The following WASF2 variants were observed in gnomAD, a reference collection of about 807,000 sequenced individuals.
WASF2 encodes the protein WASP family member 2.
In WASF2, 14 loss-of-function variants were observed where a neutral mutation model predicts 45.0. That is an observed-to-expected ratio of 0.31 (90% CI 0.21 to 0.49). The LOEUF is 0.49. Ranked by LOEUF, WASF2 falls within the 20% of genes least tolerant of loss-of-function variation. The probability of loss-of-function intolerance (pLI) is 0.99; values close to 1 mark genes in which losing one functional copy is unlikely to be tolerated. For missense variants in WASF2, 439 were observed against 636.1 expected (o/e 0.69, Z 3.33); for synonymous variants, 200 against 236.3 (o/e 0.85, Z 1.41).
chr1:27,480,592 A>G (rs2017832991), intron 1 of WASF2, among the ~76,000 whole-genome samples: 1 of 152,162 alleles, frequency 6.6e-6, no homozygotes, highest in Non-Finnish European at 1.5e-5. Flanking sequence ...ACAAAGGCAT[A>G]AGCCAGGTAT....
Position 27,477,652 on chromosome 1 carries a change from C to A in WASF2, c.-44+12334G>T, listed in dbSNP as rs1166750257. Among the ~76,000 whole-genome samples the A allele has an allele frequency of 2.3e-4, 24 of 105,020 alleles. 3 individuals carry two copies. The East Asian group carries it at 2.4e-3, about 10-fold the overall frequency. 68.9% of individuals were successfully genotyped at this position (105,020 alleles called of 152,430 possible). A position where few individuals can be genotyped will look rare whatever the true frequency, so the allele number is the denominator to read the frequency against. ...CGGTGGCTCACGCCTGTAATCCCAGCACTTTGGGAGGCCGAGGCGGGCGGA... is the reference window on the plus strand; with the variant it reads ...CGGTGGCTCACGCCTGTAATCCCAGAACTTTGGGAGGCCGAGGCGGGCGGA... On this transcript the variant is annotated intron_variant, in intron 1 of 8. Coordinates refer to ENST00000618852, the MANE Select transcript of WASF2 (RefSeq NM_006990.5).
intron 8 of WASF2, among the ~76,000 whole-genome samples, chr1:27,409,103 C>T (rs182692689): frequency 5.9e-5 from 9 of 152,118 alleles, no homozygotes; most frequent in Non-Finnish European, 1.0e-4. Flanking sequence ...CATATATTTC[C>T]AAGGACTTCA....
intron 2 of WASF2, among the ~76,000 whole-genome samples, chr1:27,427,870 T>C (rs892541058): frequency 6.6e-6 from 1 of 152,116 alleles, no homozygotes; most frequent in African/African-American, 2.4e-5. Context: ...GAGGTTCTTA[T>C]GGGAGCTGGA....
At chr1:27,486,143 C>T (rs2017920360) in intron 1 of WASF2, among the ~76,000 whole-genome samples, 1 of 139,150 alleles carries the variant, frequency 7.2e-6, no homozygotes, top group African/African-American at 3.3e-5. Flanking sequence ...AGGCTAATGA[C>T]AGTACAGTAT....
chr1:27,446,755 TGGGTGACA>T (rs909822979), intron 1 of WASF2, among the ~76,000 whole-genome samples: 1 of 143,120 alleles, frequency 7.0e-6, no homozygotes, highest in African/African-American at 2.6e-5. Flanking sequence ...CACTCCAGCC[TGGGTGACA>T]GGGTGAGAGC....
intron 1 of WASF2, among the ~76,000 whole-genome samples, chr1:27,476,448 G>A (rs11807615): frequency 6.6e-6 from 1 of 152,168 alleles, no homozygotes; most frequent in African/African-American, 2.4e-5. Flanking sequence ...CCATTCATGA[G>A]GGACCTGCCC....
intron 1 of WASF2, among the ~76,000 whole-genome samples, chr1:27,441,807 T>TCC (rs1305292934): frequency 6.9e-6 from 1 of 145,204 alleles, no homozygotes; most frequent in Non-Finnish European, 1.5e-5. Flanking sequence ...ATGCCTGTAG[T>TCC]CCCAGCTACT....
At chr1:27,433,492 T>C (rs1044628227) in intron 1 of WASF2, among the ~76,000 whole-genome samples, 1 of 152,240 alleles carries the variant, frequency 6.6e-6, no homozygotes, top group Non-Finnish European at 1.5e-5. Context: ...GCACTGGATG[T>C]TGGGGAACCA....
intron 1 of WASF2, among the ~76,000 whole-genome samples, chr1:27,446,000 A>G (rs1342805890): frequency 6.6e-6 from 1 of 152,052 alleles, no homozygotes; most frequent in Non-Finnish European, 1.5e-5. Flanking sequence ...CCAAACTAAG[A>G]TAATTATATC....
chr1:27,408,223 G>A lies in WASF2; in HGVS notation c.1463C>T (p.Ser488Phe). 1.2e-6 allele frequency: 2 copies of A among 1,614,122 alleles called. No homozygotes were observed. Among genetic ancestry groups the A allele is most frequent in the South Asian group, 1.1e-5 (1 of 91,068 alleles). Residue 488 changes from serine (S) to phenylalanine (F), a missense_variant, in exon 9 of 9, where the codon TCC becomes TTC. This residue lies in a region of WASF2 where 286 missense variants were observed against 373.5 expected (regional missense o/e 0.77). Transcript: ENST00000618852. The stretch of plus-strand genomic sequence containing the variant: ...CCAGTCGTCCTCATCAAATTCAGAG[G>A]AGTCATCTTCTGAGTCACTGTACTC... ...AVEYSDSEDD[S>F]SEFDEDDWSD
intron 1 of WASF2, among the ~76,000 whole-genome samples, chr1:27,451,404 AG>A (rs1366175845): frequency 2.0e-5 from 3 of 152,220 alleles, no homozygotes; most frequent in Non-Finnish European, 2.9e-5. Context: ...ACAGTGTTCC[AG>A]GAACAGTAAA....
At chr1:27,422,383 G>A (rs780806525) in intron 2 of WASF2, among the ~76,000 whole-genome samples, 28 of 152,120 alleles carry the variant, frequency 1.8e-4, no homozygotes, top group Non-Finnish European at 4.4e-5. Context: ...ACTTTGGGAG[G>A]CTGAGGTGGG....
intron 1 of WASF2, among the ~76,000 whole-genome samples, chr1:27,472,004 C>T (rs2017695470): frequency 6.6e-6 from 1 of 152,152 alleles, no homozygotes; most frequent in Admixed American, 6.6e-5. Context: ...CCAAATAATC[C>T]ACTCTCTTTG....
At chr1:27,478,218 A>C (rs1447339599) in intron 1 of WASF2, among the ~76,000 whole-genome samples, 2 of 151,932 alleles carry the variant, frequency 1.3e-5, no homozygotes, top group Admixed American at 6.6e-5. Flanking sequence ...CTCCAAAAAA[A>C]ATAAAAAAGG....
intron 1 of WASF2, among the ~76,000 whole-genome samples, chr1:27,452,544 C>T (rs921176687): frequency 6.6e-6 from 1 of 151,662 alleles, no homozygotes; most frequent in Non-Finnish European, 1.5e-5. Flanking sequence ...AGGCCAGACG[C>T]GGTGGCTCGT....
At chr1:27,469,679 T>C (rs1396764305) in intron 1 of WASF2, among the ~76,000 whole-genome samples, 1 of 152,288 alleles carries the variant, frequency 6.6e-6, no homozygotes, top group Non-Finnish European at 1.5e-5. Context: ...CAGTGGCTCA[T>C]GTCTGTAATC....
rs902888565 is a variant in WASF2 at position 27,406,705 on chromosome 1, G to C, written c.*1484C>G. ...CCTGTGTATTAGCTCTGGGAAAAGC[G>C]GGAAGGGAGGGAGGGAGGGAGCGAG... is the stretch of plus-strand genomic sequence containing the variant. On this transcript the variant is annotated 3_prime_UTR_variant, in exon 9 of 9. Transcript: ENST00000618852. The C allele has an allele frequency of 6.6e-6, 1 of 152,260 alleles. No individual in the cohort carries two copies. Among genetic ancestry groups the C allele is most frequent in the East Asian group, 1.9e-4 (1 of 5,190 alleles). 9.4% of individuals were successfully genotyped at this position (152,260 alleles called of 1,614,324 possible).
At chr1:27,471,344 CAAAA>C (rs35393807) in intron 1 of WASF2, among the ~76,000 whole-genome samples, 2 of 53,178 alleles carry the variant, frequency 3.8e-5, no homozygotes, top group Non-Finnish European at 4.0e-5. Flanking sequence ...GACTCTGTCT[CAAAA>C]AAAAAAAAAA....
At chr1:27,443,852 C>T (rs183565211) in intron 1 of WASF2, among the ~76,000 whole-genome samples, 20 of 152,104 alleles carry the variant, frequency 1.3e-4, no homozygotes, top group African/African-American at 4.8e-4. Context: ...GTGATCTCAG[C>T]TCACTGCAAC....
Sources: allele counts gnomAD v4.1 joint callset (sites outside exome capture counted in the v4.1 genomes callset), GRCh38; gene constraint gnomAD v4.1.1; regional missense constraint gnomAD v4.1.1; transcripts MANE v1.5; gene names NCBI Gene and HGNC (gene_info 2026-07-23, HGNC 2026-07-21).